The following MAML2 variants were observed in gnomAD, a reference collection of about 807,000 sequenced individuals.
MAML2 encodes the protein mastermind-like protein 2.
A neutral mutation model predicts 96.1 loss-of-function variants in MAML2; 22 were observed. That is an observed-to-expected ratio of 0.23 (90% CI 0.16 to 0.33). The LOEUF (loss-of-function observed/expected upper bound fraction) is 0.33, where lower values mean the gene tolerates loss of function less well. MAML2 is among the 10% of genes least tolerant of loss of function. The pLI is 1.00. For missense variants in MAML2, 1,367 were observed against 1,392.4 expected, an observed-to-expected ratio of 0.98 and a Z score of 0.29; for synonymous variants, 561 against 521.3, an observed-to-expected ratio of 1.08 and a Z score of -1.04.
At chr11:95,994,736 T>C (rs1857966112) in intron 2 of MAML2, among the ~76,000 whole-genome samples, 1 of 152,252 alleles carries the variant, frequency 6.6e-6, no homozygotes, top group Non-Finnish European at 1.5e-5. Flanking sequence ...TGGAGTTTTA[T>C]GTAAGACTTT....
chr11:96,022,904 GACGCTTA>G (rs908133888), intron 2 of MAML2, among the ~76,000 whole-genome samples: 1 of 152,188 alleles, frequency 6.6e-6, no homozygotes, highest in Non-Finnish European at 1.5e-5. Context: ...CAGTAGACAT[GACGCTTA>G]ACCTCAAAAC....
intron 1 of MAML2, among the ~76,000 whole-genome samples, chr11:96,258,645 T>C (rs2044226452): frequency 6.6e-6 from 1 of 152,182 alleles, no homozygotes; most frequent in African/African-American, 2.4e-5. Flanking sequence ...AAGAATACAG[T>C]GGTCTAAGCC....
chr11:96,258,394 A>T (rs559242912), intron 1 of MAML2, among the ~76,000 whole-genome samples: 1 of 152,290 alleles, frequency 6.6e-6, no homozygotes, highest in East Asian at 1.9e-4. Flanking sequence ...CTAGTGCCTT[A>T]AAAAAAGAAT....
intron 3 of MAML2, among the ~76,000 whole-genome samples, chr11:95,986,394 C>G (rs1282726021): frequency 6.6e-6 from 1 of 151,618 alleles, no homozygotes; most frequent in Admixed American, 6.6e-5. Flanking sequence ...TAGAGATGGG[C>G]TTTTACCATA....
At chr11:96,106,865 A>G (rs533612817) in intron 1 of MAML2, among the ~76,000 whole-genome samples, 22 of 151,972 alleles carry the variant, frequency 1.4e-4, no homozygotes, top group African/African-American at 5.3e-4. Flanking sequence ...CATGATTAAT[A>G]TCTTGTATCC....
At chr11:96,314,344 C>A (rs1863598118) in intron 1 of MAML2, among the ~76,000 whole-genome samples, 1 of 152,210 alleles carries the variant, frequency 6.6e-6, no homozygotes, top group Non-Finnish European at 1.5e-5. Flanking sequence ...TGGATTATTT[C>A]AAAGACAACA....
At chr11:96,014,262 C>T (rs548700258) in intron 2 of MAML2, among the ~76,000 whole-genome samples, 4 of 152,288 alleles carry the variant, frequency 2.6e-5, no homozygotes, top group African/African-American at 4.8e-5. Flanking sequence ...AGTATATTCA[C>T]TGAGGAATGG....
At chr11:96,029,501 T>A (rs960545953) in intron 2 of MAML2, among the ~76,000 whole-genome samples, 2 of 152,166 alleles carry the variant, frequency 1.3e-5, no homozygotes, top group Non-Finnish European at 2.9e-5. Context: ...GAGTCATAAT[T>A]AAGGCAAAAA....
Position 95,979,914 on chromosome 11 carries a change from T to C in MAML2, c.2505A>G (p.Pro835=), listed in dbSNP as rs745826612. 1.5e-5 allele frequency: 25 copies of C among 1,613,782 alleles called. No individual in the cohort carries two copies. In the East Asian group the frequency reaches 1.8e-4, roughly 12 times the overall value. ...SLNSNQALAN[P]VSTHTILTPN... ...GAGTTAAAATGGTGTGTGTTGAAAC[T>C]GGGTTTGCCAAAGCCTGGTTAGAGT... The change falls in exon 5 of 5, where the codon CCA becomes CCG. Residue 835 remains proline, a synonymous_variant. Coordinates refer to ENST00000524717, the MANE Select transcript of MAML2 (RefSeq NM_032427.4).
intron 1 of MAML2, among the ~76,000 whole-genome samples, chr11:96,259,777 T>C (rs1862722665): frequency 1.3e-5 from 2 of 152,198 alleles, no homozygotes; most frequent in Admixed American, 1.3e-4. Flanking sequence ...TTGCAAGACC[T>C]TGACTCCTTT....
intron 1 of MAML2, among the ~76,000 whole-genome samples, chr11:96,125,399 T>C (rs1007183045): frequency 6.6e-6 from 1 of 152,018 alleles, no homozygotes; most frequent in Non-Finnish European, 1.5e-5. Context: ...AGGAGAGGCA[T>C]GAGGTGACAT....
Position 96,342,425 on chromosome 11 carries a change from A to T in MAML2, c.-530T>A. The stretch of plus-strand genomic sequence containing the variant: ...TTTCTACCATGTCTATGTAACCAGC[A>T]GCCTTGACTTTTCCTCAGGTTAAAT... On this transcript the variant is annotated 5_prime_UTR_variant, in exon 1 of 5. Transcript: ENST00000524717. 1 of 398,882 alleles carries T rather than the reference A, an allele frequency of 2.5e-6. No homozygotes were observed. The highest frequency in any genetic ancestry group is 6.3e-4 in the Middle Eastern group (1 of 1,588). 24.7% of individuals were successfully genotyped at this position (398,882 alleles called of 1,614,324 possible). A position where few individuals can be genotyped will look rare whatever the true frequency, so the allele number is the denominator to read the frequency against.
chr11:96,084,760 T>C (rs1020103193), intron 2 of MAML2, among the ~76,000 whole-genome samples: 1 of 152,004 alleles, frequency 6.6e-6, no homozygotes, highest in African/African-American at 2.4e-5. Context: ...GACCAGAAAG[T>C]GCGATACACA....
In MAML2 at chr11:96,042,947, T is replaced by C. The variant is rs1021754126; in HGVS notation, c.2139+48945A>G. Among the ~76,000 whole-genome samples, 352 of 152,148 alleles carry C rather than the reference T, an allele frequency of 2.3e-3. 3 individuals carry two copies. Among genetic ancestry groups the C allele is most frequent in the Non-Finnish European group, 6.9e-4 (47 of 67,994 alleles). ...TTTTAGTAGAGATGGGGTTTCACCA[T>C]GTTGGCCAGGCTGATCTCAAACTCC... On this transcript the variant is annotated intron_variant, in intron 2 of 4. Coordinates refer to ENST00000524717, the MANE Select transcript of MAML2 (RefSeq NM_032427.4).
intron 1 of MAML2, among the ~76,000 whole-genome samples, chr11:96,305,584 C>A (rs2136001086): frequency 6.6e-6 from 1 of 152,240 alleles, no homozygotes; most frequent in East Asian, 1.9e-4. Context: ...ACATGTGAAA[C>A]TGTACTATAT....
intron 1 of MAML2, among the ~76,000 whole-genome samples, chr11:96,165,742 G>A (rs1332145304): frequency 6.6e-6 from 1 of 152,180 alleles, no homozygotes; most frequent in African/African-American, 2.4e-5. Context: ...GAGTACCAGA[G>A]TCTCATTTTC....
intron 1 of MAML2, among the ~76,000 whole-genome samples, chr11:96,124,059 G>C (rs952008752): frequency 2.4e-5 from 3 of 127,494 alleles, no homozygotes; most frequent in East Asian, 2.3e-4. Context: ...AACGAGCAAC[G>C]AGCAACCAGC....
At chr11:96,038,135 C>T (rs1337379647) in intron 2 of MAML2, among the ~76,000 whole-genome samples, 2 of 152,094 alleles carry the variant, frequency 1.3e-5, no homozygotes, top group East Asian at 3.8e-4. Flanking sequence ...GGAACATGCT[C>T]CACCAAATTG....
chr11:96,194,053 T>C (rs1249106742), intron 1 of MAML2, among the ~76,000 whole-genome samples: 1 of 152,236 alleles, frequency 6.6e-6, no homozygotes, highest in Non-Finnish European at 1.5e-5. Context: ...AGACAAAGCA[T>C]AGGCCTATCC....
Sources: allele counts gnomAD v4.1 joint callset (sites outside exome capture counted in the v4.1 genomes callset), GRCh38; gene constraint gnomAD v4.1.1; transcripts MANE v1.5; gene names NCBI Gene and HGNC (gene_info 2026-07-23, HGNC 2026-07-21).